SNX7: variants seen among roughly 807,000 people sequenced by gnomAD.
The protein encoded by SNX7 is sorting nexin-7.
Under a neutral mutation model 48.4 loss-of-function variants are expected in SNX7, and 35 were observed. That is an observed-to-expected ratio of 0.72 (90% CI 0.55 to 0.96). The LOEUF (loss-of-function observed/expected upper bound fraction) is 0.96, where lower values mean the gene tolerates loss of function less well. Among genes scored for constraint, SNX7 ranks in the 40% least tolerant of loss-of-function variants. The probability of loss-of-function intolerance (pLI) is 0.00; values close to 1 mark genes in which losing one functional copy is unlikely to be tolerated. For synonymous variants in SNX7, 190 were observed against 190.2 expected (o/e 1.00, Z 0.01); for missense variants, 553 against 548.9 (o/e 1.01, Z -0.07).
At chr1:98,734,667 A>T (rs1358017264) in intron 7 of SNX7, among the ~76,000 whole-genome samples, 1 of 152,182 alleles carries the variant, frequency 6.6e-6, no homozygotes, top group East Asian at 1.9e-4. Context: ...ATAGATATGT[A>T]GTCACCATCG....
intron 8 of SNX7, among the ~76,000 whole-genome samples, chr1:98,758,277 A>G (rs957202053): frequency 3.7e-4 from 56 of 152,036 alleles, no homozygotes; most frequent in African/African-American, 1.3e-3. Context: ...GAGTATAGAC[A>G]TTTGGATACA....
intron 1 of SNX7, among the ~76,000 whole-genome samples, chr1:98,667,931 AAAC>A (rs1453645856): frequency 6.6e-6 from 1 of 151,832 alleles, no homozygotes. Flanking sequence ...AAAAAAAACA[AAAC>A]AAACAAACAA....
At chr1:98,704,367 C>G (rs993723243) in intron 7 of SNX7, among the ~76,000 whole-genome samples, 1 of 152,032 alleles carries the variant, frequency 6.6e-6, no homozygotes, top group Non-Finnish European at 1.5e-5. Context: ...TTTTGTTTAT[C>G]ATCAAAACAA....
At chr1:98,717,763 T>A (rs928754944) in intron 7 of SNX7, among the ~76,000 whole-genome samples, 1 of 152,062 alleles carries the variant, frequency 6.6e-6, no homozygotes, top group Non-Finnish European at 1.5e-5. Context: ...CTTTCCTTAA[T>A]GTATGTCAGT....
At chr1:98,685,632 T>A (rs1012231429) in intron 2 of SNX7, among the ~76,000 whole-genome samples, 3 of 152,172 alleles carry the variant, frequency 2.0e-5, no homozygotes, top group Non-Finnish European at 4.4e-5. Context: ...CCACCTAGTA[T>A]AATCTGTATT....
At chr1:98,663,371 C>CTTGTTGGGATT (rs1649373306) in intron 1 of SNX7, among the ~76,000 whole-genome samples, 1 of 148,342 alleles carries the variant, frequency 6.7e-6, no homozygotes, top group East Asian at 2.1e-4. Flanking sequence ...AGGCTTGAGC[C>CTTGTTGGGATT]ACAGTGACTC....
chr1:98,754,480 G>T (rs1012715769), intron 8 of SNX7, among the ~76,000 whole-genome samples: 9 of 152,022 alleles, frequency 5.9e-5, no homozygotes, highest in African/African-American at 1.9e-4. Context: ...TTGTGTATGT[G>T]TATGAAGATA....
intron 1 of SNX7, among the ~76,000 whole-genome samples, chr1:98,681,885 A>T (rs1417829687): frequency 6.6e-6 from 1 of 152,178 alleles, no homozygotes; most frequent in Non-Finnish European, 1.5e-5. Context: ...CTGAAAATAC[A>T]CACAGACCTA....
At chr1:98,671,639 T>C (rs956669364) in intron 1 of SNX7, among the ~76,000 whole-genome samples, 7 of 152,144 alleles carry the variant, frequency 4.6e-5, no homozygotes, top group Admixed American at 4.6e-4. Flanking sequence ...AAACCAGTTT[T>C]AGAACATTTT....
rs1316887132 is a variant in SNX7 at position 98,691,696 on chromosome 1, T to C, written c.636T>C (p.Ala212=). The change falls in exon 4 of 9, where the codon GCT becomes GCC. Residue 212 remains alanine, a synonymous_variant. Coordinates refer to ENST00000306121, the MANE Select transcript of SNX7 (RefSeq NM_015976.5). ...TCAAAATTTTTCTCACTGCACAAGC[T>C]TGGGTAAATGATTTTTATTTATACT... is the stretch of plus-strand genomic sequence containing the variant. The part of the protein sequence containing the change: ...EDFKIFLTAQ[A]WELSSHKKQG... The C allele has an allele frequency of 6.3e-7, 1 of 1,596,992 alleles. No homozygotes were observed. Among genetic ancestry groups the C allele is most frequent in the Non-Finnish European group, 8.5e-7 (1 of 1,172,964 alleles).
intron 1 of SNX7, among the ~76,000 whole-genome samples, chr1:98,665,735 T>C (rs2100900180): frequency 6.6e-6 from 1 of 152,116 alleles, no homozygotes; most frequent in East Asian, 1.9e-4. Context: ...ATTACAGGCA[T>C]GCGCCACCAT....
intron 2 of SNX7, among the ~76,000 whole-genome samples, chr1:98,685,611 C>T (rs1161468616): frequency 6.6e-6 from 1 of 152,092 alleles, no homozygotes. Flanking sequence ...ACCTCAGACA[C>T]AATTAAGCAA....
intron 5 of SNX7, among the ~76,000 whole-genome samples, chr1:98,698,462 AT>A (rs1651572067): frequency 6.6e-6 from 1 of 152,156 alleles, no homozygotes; most frequent in Non-Finnish European, 1.5e-5. Context: ...AAGCCAAGAC[AT>A]TTTTGACACT....
At chr1:98,698,597 G>A (rs1317116289) in intron 5 of SNX7, 109 bp from the exon 6 acceptor site, 5 of 926,122 alleles carry the variant, frequency 5.4e-6, no homozygotes, top group Admixed American at 2.9e-5. Context: ...TCTTGTGTAA[G>A]AACATGTGCA....
At position 98,704,930 on chromosome 1, in the gene SNX7, G is replaced by T. The variant is rs140481994; in HGVS notation, c.1125+3027G>T. Among the ~76,000 whole-genome samples, 198 of 152,316 alleles carry T rather than the reference G, an allele frequency of 1.3e-3. 4 individuals carry two copies. Among genetic ancestry groups the T allele is most frequent in the Non-Finnish European group, 5.9e-5 (4 of 68,016 alleles). ...TATTGGGTAGAAAGACAGCAGTTAT[G>T]TAACATTCCAGAGGACATTTGACTA... On this transcript the variant is annotated intron_variant, in intron 7 of 8. Transcript: ENST00000306121.
At chr1:98,665,499 A>G (rs1278408237) in intron 1 of SNX7, among the ~76,000 whole-genome samples, 1 of 152,190 alleles carries the variant, frequency 6.6e-6, no homozygotes, top group East Asian at 1.9e-4. Context: ...AAGACTTAAG[A>G]TTGTGTTTAT....
chr1:98,760,180 C>T lies in SNX7; in HGVS notation c.*49C>T. 1 of 1,379,204 alleles carries T rather than the reference C, an allele frequency of 7.3e-7. No individual in the cohort carries two copies. The highest frequency in any genetic ancestry group is 1.0e-6 in the Non-Finnish European group (1 of 967,602). 85.4% of individuals were successfully genotyped at this position (1,379,204 alleles called of 1,614,324 possible). Reference sequence around the variant, plus strand: ...TCTTTGGGAGACAGCATTTATTAACCAAAGTTATTCTTTCTGGATCTGCCG... The same window carrying T: ...TCTTTGGGAGACAGCATTTATTAACTAAAGTTATTCTTTCTGGATCTGCCG... On this transcript the variant is annotated 3_prime_UTR_variant, in exon 9 of 9. Transcript: ENST00000306121.
intron 7 of SNX7, among the ~76,000 whole-genome samples, chr1:98,708,843 AT>A (rs1652151882): frequency 6.6e-6 from 1 of 152,216 alleles, no homozygotes. Context: ...AAATCACCGT[AT>A]CTACCTTATG....
At chr1:98,686,372 G>T (rs1420265824) in intron 2 of SNX7, among the ~76,000 whole-genome samples, 1 of 152,082 alleles carries the variant, frequency 6.6e-6, no homozygotes, top group African/African-American at 2.4e-5. Flanking sequence ...CTGTAGGGTT[G>T]CAGTAGAATA....
Sources: gnomAD v4.1 joint callset for allele counts (sites outside exome capture counted in the v4.1 genomes callset) on GRCh38, gnomAD v4.1.1 for gene constraint, MANE v1.5 for transcripts, NCBI Gene and HGNC (gene_info 2026-07-23, HGNC 2026-07-21) for gene names.